TOM1L2: variants seen among roughly 807,000 people sequenced by gnomAD.
TOM1L2 encodes target of myb1 like 2 membrane trafficking protein.
A neutral mutation model predicts 67.9 loss-of-function variants in TOM1L2; 31 were observed. That is an observed-to-expected ratio of 0.46 (90% CI 0.34 to 0.62). The LOEUF (loss-of-function observed/expected upper bound fraction) is 0.62. TOM1L2 is among the 20% of genes least tolerant of loss of function. The pLI is 0.01. For synonymous variants in TOM1L2, 256 were observed against 254.0 expected (o/e 1.01, Z -0.07); for missense variants, 606 against 663.5 (o/e 0.91, Z 0.95).
rs1026611195 is a variant in TOM1L2, at chr17:17,872,610, G to C, written c.778-3137C>G. 2.6e-5 allele frequency among the ~76,000 whole-genome samples: 4 copies of C among 152,252 alleles called. No homozygotes were observed. In the East Asian group the frequency reaches 7.7e-4, roughly 29 times the overall value. ...CTGCCTCTCTGCTCTGCCATGGACT[G>C]TTCCGGGCCACCGTGCGGGTCTCCT... On this transcript the variant is annotated intron_variant, in intron 7 of 14. Transcript: ENST00000379504.
intron 7 of TOM1L2, among the ~76,000 whole-genome samples, chr17:17,871,386 G>A (rs1391650123): frequency 4.6e-5 from 7 of 151,692 alleles, no homozygotes; most frequent in Non-Finnish European, 8.8e-5. Context: ...AAAGTATTCA[G>A]AGGCCAAGTG....
intron 12 of TOM1L2, among the ~76,000 whole-genome samples, chr17:17,853,888 G>A (rs1029454692): frequency 5.9e-5 from 9 of 152,238 alleles, no homozygotes; most frequent in African/African-American, 1.9e-4. Flanking sequence ...GAAATAAGGC[G>A]ATTGCTAGAT....
At chr17:17,957,234 G>A (rs1299095171) in intron 1 of TOM1L2, among the ~76,000 whole-genome samples, 1 of 152,228 alleles carries the variant, frequency 6.6e-6, no homozygotes, top group Non-Finnish European at 1.5e-5. Flanking sequence ...TCCTGCCTTG[G>A]CCTCCCAAAG....
chr17:17,926,320 C>T (rs73301851), intron 1 of TOM1L2, among the ~76,000 whole-genome samples: 5,959 of 152,158 alleles, frequency 0.039, 408 homozygotes, highest in African/African-American at 0.13. Context: ...TCTGACCAGG[C>T]CTCCCTGCTA....
chr17:17,923,773 A>T (rs1364307710), intron 1 of TOM1L2, among the ~76,000 whole-genome samples: 1 of 152,180 alleles, frequency 6.6e-6, no homozygotes, highest in Admixed American at 6.5e-5. Context: ...CAAGAGGATC[A>T]CTTAAGCCCA....
intron 2 of TOM1L2, among the ~76,000 whole-genome samples, chr17:17,903,189 C>G (rs1415226207): frequency 6.6e-6 from 1 of 152,188 alleles, no homozygotes; most frequent in Non-Finnish European, 1.5e-5. Flanking sequence ...CCCCACCCAG[C>G]ACTCGTTATG....
intron 13 of TOM1L2, among the ~76,000 whole-genome samples, chr17:17,849,586 T>C (rs1270729193): frequency 6.6e-6 from 1 of 152,334 alleles, no homozygotes; most frequent in African/African-American, 2.4e-5. Context: ...AACATGGTAG[T>C]GTCTTGAGCT....
At chr17:17,860,020 G>C (rs767644230) in intron 12 of TOM1L2, 16 of 152,344 alleles carry the variant, frequency 1.1e-4, no homozygotes, top group Non-Finnish European at 2.2e-4. Flanking sequence ...TCAGACCCAG[G>C]CCTGGGCGCT....
intron 1 of TOM1L2, among the ~76,000 whole-genome samples, chr17:17,955,973 GT>G (rs1296722655): frequency 1.4e-4 from 21 of 152,262 alleles, no homozygotes; most frequent in African/African-American, 4.1e-4. Flanking sequence ...CAATGGGTTC[GT>G]GGTCTGCGCC....
At chr17:17,893,628 G>T in intron 4 of TOM1L2, 33 bp downstream of exon 4, 1 of 1,603,324 alleles carries the variant, frequency 6.2e-7, no homozygotes, top group Admixed American at 1.7e-5. Flanking sequence ...ATCTTACTCT[G>T]TTCCAACAAA....
intron 1 of TOM1L2, among the ~76,000 whole-genome samples, chr17:17,941,798 G>T (rs2040744553): frequency 6.6e-6 from 1 of 152,188 alleles, no homozygotes; most frequent in South Asian, 2.1e-4. Flanking sequence ...AAAATCCACA[G>T]ATAACCTATG....
At chr17:17,915,748 C>A (rs1016962768) in intron 1 of TOM1L2, among the ~76,000 whole-genome samples, 20 of 152,020 alleles carry the variant, frequency 1.3e-4, no homozygotes, top group Non-Finnish European at 2.8e-4. Context: ...TCTTGAACGC[C>A]TGGCCTCAAG....
At chr17:17,890,814 C>G (rs951028279) in intron 4 of TOM1L2, among the ~76,000 whole-genome samples, 1 of 152,168 alleles carries the variant, frequency 6.6e-6, no homozygotes, top group African/African-American at 2.4e-5. Flanking sequence ...AAGTTGTATA[C>G]ACTTTTATGT....
chr17:17,942,768 C>T (rs1379822107), intron 1 of TOM1L2, among the ~76,000 whole-genome samples: 2 of 152,098 alleles, frequency 1.3e-5, no homozygotes, highest in Non-Finnish European at 2.9e-5. Flanking sequence ...CACATCAGCA[C>T]GGTAGTTAGT....
In TOM1L2 at chr17:17,846,490, C is replaced by T. The variant is rs1046176112; in HGVS notation, c.*1145G>A. On this transcript the variant is annotated 3_prime_UTR_variant, in exon 15 of 15. Coordinates refer to ENST00000379504, the MANE Select transcript of TOM1L2 (RefSeq NM_001082968.2). ...ACCAGCCCCTAGCTGCTCTGCCTGC[C>T]TTCAGGATCAGCTTGGGGAGAGAGT... is the stretch of plus-strand genomic sequence containing the variant. 6.6e-6 allele frequency: 1 copy of T among 152,400 alleles called. No homozygotes were observed. The highest frequency in any genetic ancestry group is 2.4e-5 in the African/African-American group (1 of 41,460). 9.4% of individuals were successfully genotyped at this position (152,400 alleles called of 1,614,324 possible). A position where few individuals can be genotyped will look rare whatever the true frequency, so the allele number is the denominator to read the frequency against.
chr17:17,863,316 G>C (rs1292327460), intron 10 of TOM1L2: 1 of 159,152 alleles, frequency 6.3e-6, no homozygotes, highest in African/African-American at 2.4e-5. Flanking sequence ...GGTCAGAGTG[G>C]GCAAGAGACA....
rs755191571 is a variant in TOM1L2, at chr17:17,884,766, T to C, written c.369A>G (p.Ala123=). Residue 123 remains alanine, a splice_region_variant and synonymous_variant, in exon 5 of 15, where the codon GCA becomes GCG. Transcript: ENST00000379504. The part of the protein sequence containing the change: ...VQDKVLALIQ[A]WADAFRSSPD... ...GACTGCTTCGAAAGGCATCAGCCCA[T>C]GCCTGGGATAATAGAAGGCCTGTTA... The C allele has an allele frequency of 1.9e-6, 3 of 1,613,350 alleles. No homozygotes were observed. The highest frequency in any genetic ancestry group is 2.7e-5 in the African/African-American group (2 of 75,022).
At chr17:17,880,039 C>G (rs2037638556) in intron 6 of TOM1L2, among the ~76,000 whole-genome samples, 1 of 152,204 alleles carries the variant, frequency 6.6e-6, no homozygotes, top group African/African-American at 2.4e-5. Context: ...CAAGCTGGCT[C>G]TCCGTCTCGG....
At chr17:17,895,392 C>A (rs2038513668) in intron 3 of TOM1L2, among the ~76,000 whole-genome samples, 1 of 152,184 alleles carries the variant, frequency 6.6e-6, no homozygotes, top group Non-Finnish European at 1.5e-5. Flanking sequence ...TAGGTCCAAG[C>A]AAGTGGGCTT....
Sources: allele counts gnomAD v4.1 joint callset (sites outside exome capture counted in the v4.1 genomes callset), GRCh38; gene constraint gnomAD v4.1.1; transcripts MANE v1.5; gene names NCBI Gene and HGNC (gene_info 2026-07-23, HGNC 2026-07-21).